The following ROBO1 variants were observed in gnomAD, a reference collection of about 807,000 sequenced individuals.
ROBO1 encodes the protein roundabout homolog 1.
ROBO1 carries 149 observed loss-of-function variants against 195.9 expected under a neutral mutation model. That is an observed-to-expected ratio of 0.76 (90% CI 0.67 to 0.87). ROBO1 has a LOEUF of 0.87. Among genes scored for constraint, ROBO1 ranks in the 40% least tolerant of loss-of-function variants. ROBO1 has a pLI of 0.00. For synonymous variants in ROBO1, 816 were observed against 733.2 expected, an observed-to-expected ratio of 1.11 and a Z score of -1.82; for missense variants, 1,933 against 2,068.3, an observed-to-expected ratio of 0.93 and a Z score of 1.27.
At chr3:79,067,914 T>A (rs184972329) in intron 3 of ROBO1, among the ~76,000 whole-genome samples, 69 of 152,038 alleles carry the variant, frequency 4.5e-4, no homozygotes, top group African/African-American at 1.6e-3. Flanking sequence ...GCATGGCTGC[T>A]GGCAGGCCTT....
rs2077250952 is a variant in ROBO1 at position 78,992,059 on chromosome 3, C to T, written c.173-53132G>A. 2.0e-5 allele frequency among the ~76,000 whole-genome samples: 3 copies of T among 152,052 alleles called. No homozygotes were observed. In the South Asian group the frequency reaches 6.2e-4, roughly 32 times the overall value. ...TTAAAATGAAAACTGTGTCACAGGC[C>T]TACAAAGAAAACAGTCCAGATTATA... On this transcript the variant is annotated intron_variant, in intron 3 of 30. Transcript: ENST00000464233.
chr3:79,136,209 G>C (rs1475893278), intron 2 of ROBO1, among the ~76,000 whole-genome samples: 1 of 152,162 alleles, frequency 6.6e-6, no homozygotes, highest in Non-Finnish European at 1.5e-5. Context: ...AGAAAAGCCT[G>C]TTGGTTTAAA....
chr3:79,090,511 G>GT (rs1390821492), intron 3 of ROBO1, among the ~76,000 whole-genome samples: 6 of 102,306 alleles, frequency 5.9e-5, no homozygotes, highest in African/African-American at 2.3e-4. Context: ...GTTTTTTGAT[G>GT]TAAGAACTGT....
chr3:79,568,174 T>TAAC (rs1029740346), intron 2 of ROBO1, among the ~76,000 whole-genome samples: 15 of 152,078 alleles, frequency 9.9e-5, no homozygotes, highest in Admixed American at 2.0e-4. Flanking sequence ...AATCTGCAGT[T>TAAC]AACAACAACA....
At chr3:79,226,438 A>G (rs324755) in intron 2 of ROBO1, among the ~76,000 whole-genome samples, 17,431 of 151,850 alleles carry the variant, frequency 0.11, 2,650 homozygotes, top group African/African-American at 0.35. Flanking sequence ...AACAACTTCC[A>G]TTTCTGTCTT....
At chr3:78,609,666 G>T (rs1248306925) in intron 28 of ROBO1, among the ~76,000 whole-genome samples, 2 of 152,102 alleles carry the variant, frequency 1.3e-5, no homozygotes, top group African/African-American at 2.4e-5. Context: ...TCCCTATAGA[G>T]AAATATTCTG....
chr3:78,628,500 C>A (rs1439704550), intron 25 of ROBO1, among the ~76,000 whole-genome samples: 3 of 152,102 alleles, frequency 2.0e-5, no homozygotes, highest in Non-Finnish European at 4.4e-5. Flanking sequence ...GGGGAACATT[C>A]ATGCCTTTCT....
rs578103769 is a variant in ROBO1, at chr3:78,942,003, T to C, written c.173-3076A>G. Among the ~76,000 whole-genome samples the C allele has an allele frequency of 1.4e-4, 21 of 152,188 alleles. 1 individual carries two copies. Among genetic ancestry groups the C allele is most frequent in the African/African-American group, 5.1e-4 (21 of 41,528 alleles). Reference sequence around the variant, plus strand: ...ATTAGTGAGGACCCGTTTCAAGCAATAAATCTGAAAACCAGGGTCAAGCAT... The same window carrying C: ...ATTAGTGAGGACCCGTTTCAAGCAACAAATCTGAAAACCAGGGTCAAGCAT... On this transcript the variant is annotated intron_variant, in intron 3 of 30. Transcript: ENST00000464233.
intron 8 of ROBO1, chr3:78,693,200 T>C: frequency 9.8e-7 from 1 of 1,021,824 alleles, no homozygotes; most frequent in Non-Finnish European, 1.4e-6. Context: ...GACTTTATTC[T>C]GTGCAGTCTG....
chr3:78,871,823 T>C (rs534347315), intron 4 of ROBO1, among the ~76,000 whole-genome samples: 18 of 152,038 alleles, frequency 1.2e-4, no homozygotes, highest in Non-Finnish European at 2.4e-4. Context: ...AAAATTTTGG[T>C]CTGACACAGA....
At chr3:79,535,320 C>T (rs193076474) in intron 2 of ROBO1, among the ~76,000 whole-genome samples, 1 of 152,166 alleles carries the variant, frequency 6.6e-6, no homozygotes, top group Non-Finnish European at 1.5e-5. Flanking sequence ...TTCCACAACA[C>T]TCTGCAGATG....
At chr3:78,847,992 CT>C (rs2033781968) in intron 4 of ROBO1, among the ~76,000 whole-genome samples, 1 of 152,250 alleles carries the variant, frequency 6.6e-6, no homozygotes, top group East Asian at 1.9e-4. Context: ...ATCCTTCTGA[CT>C]TTTTTTCCCA....
At chr3:78,878,600 A>AG (rs1285295910) in intron 4 of ROBO1, among the ~76,000 whole-genome samples, 1 of 151,148 alleles carries the variant, frequency 6.6e-6, no homozygotes, top group Non-Finnish European at 1.5e-5. Flanking sequence ...AAAAAAAAAA[A>AG]AAAAAAAACT....
chr3:78,819,456 A>C (rs564258885), intron 4 of ROBO1, among the ~76,000 whole-genome samples: 79 of 151,762 alleles, frequency 5.2e-4, no homozygotes, highest in African/African-American at 1.8e-3. Context: ...AAAAAAAAAA[A>C]AACAAAACCT....
intron 2 of ROBO1, among the ~76,000 whole-genome samples, chr3:79,219,481 C>A (rs2082102939): frequency 6.6e-6 from 1 of 151,912 alleles, no homozygotes; most frequent in African/African-American, 2.4e-5. Context: ...CTAGTATTAG[C>A]CCCCATCCAC....
chr3:79,238,921 T>G (rs1474139212), intron 2 of ROBO1, among the ~76,000 whole-genome samples: 1 of 152,232 alleles, frequency 6.6e-6, no homozygotes, highest in East Asian at 1.9e-4. Flanking sequence ...TCCAAGTCTA[T>G]CATATTCCAT....
chr3:79,153,275 G>C (rs963526149), intron 2 of ROBO1, among the ~76,000 whole-genome samples: 5 of 151,728 alleles, frequency 3.3e-5, no homozygotes, highest in African/African-American at 9.7e-5. Flanking sequence ...ATCTTTATCA[G>C]AGAGCAGAGG....
intron 2 of ROBO1, among the ~76,000 whole-genome samples, chr3:79,388,959 T>C (rs903686746): frequency 5.9e-5 from 9 of 152,038 alleles, no homozygotes; most frequent in Admixed American, 5.9e-4. Context: ...AGCATAATTT[T>C]AAAGAGAGGA....
At chr3:78,686,788 A>G (rs926235498) in intron 9 of ROBO1, among the ~76,000 whole-genome samples, 1 of 152,104 alleles carries the variant, frequency 6.6e-6, no homozygotes, top group South Asian at 2.1e-4. Context: ...AAGTTCCATA[A>G]CCTATGCCAA....
Sources: allele counts gnomAD v4.1 joint callset (sites outside exome capture counted in the v4.1 genomes callset), GRCh38; gene constraint gnomAD v4.1.1; transcripts MANE v1.5; gene names NCBI Gene and HGNC (gene_info 2026-07-23, HGNC 2026-07-21).